The following FBN2 variants were observed in gnomAD, a reference collection of about 807,000 sequenced individuals.
FBN2 encodes the protein fibrillin-2.
In FBN2, 105 loss-of-function variants were observed where a neutral mutation model predicts 355.6. The observed-to-expected ratio is 0.30, with a 90% CI of 0.25 to 0.35. The LOEUF is 0.35. Among genes scored for constraint, FBN2 ranks in the 10% least tolerant of loss-of-function variants. The probability of loss-of-function intolerance (pLI) is 1.00; values close to 1 mark genes in which losing one functional copy is unlikely to be tolerated. For synonymous variants in FBN2, 1,350 were observed against 1,301.2 expected, an observed-to-expected ratio of 1.04 and a Z score of -0.81; for missense variants, 3,280 against 3,758.7, an observed-to-expected ratio of 0.87 and a Z score of 3.33.
At chr5:128,359,942 C>G (rs1209390965) in intron 19 of FBN2, among the ~76,000 whole-genome samples, 1 of 152,086 alleles carries the variant, frequency 6.6e-6, no homozygotes, top group African/African-American at 2.4e-5. Flanking sequence ...AGACACTATC[C>G]ATTTAGTTCC....
chr5:128,493,890 T>C (rs1294380343), intron 5 of FBN2, among the ~76,000 whole-genome samples: 2 of 152,186 alleles, frequency 1.3e-5, no homozygotes, highest in South Asian at 2.1e-4. Flanking sequence ...GTGAGGTTTT[T>C]AGCTTGGATA....
At position 128,338,967 on chromosome 5, in the gene FBN2, A is replaced by G; in HGVS notation, c.3438T>C (p.Tyr1146=). 2 of 1,614,090 alleles carry G rather than the reference A, an allele frequency of 1.2e-6. No homozygotes were observed. The highest frequency in any genetic ancestry group is 1.7e-6 in the Non-Finnish European group (2 of 1,179,964). ...GSFECECFEG[Y]ESGFMMMKNC... Reference sequence around the variant, plus strand: ...TCTTCATCATCATGAAGCCACTTTCATAGCCTTCGAAGCACTCGCACTCAA... The same window carrying G: ...TCTTCATCATCATGAAGCCACTTTCGTAGCCTTCGAAGCACTCGCACTCAA... Residue 1146 remains tyrosine, a synonymous_variant, in exon 26 of 65, where the codon TAT becomes TAC. Coordinates refer to ENST00000262464, the MANE Select transcript of FBN2 (RefSeq NM_001999.4).
intron 8 of FBN2, among the ~76,000 whole-genome samples, chr5:128,405,640 G>C (rs1310702030): frequency 6.6e-6 from 1 of 152,142 alleles, no homozygotes. Flanking sequence ...TGAAATGTAA[G>C]TGAGTAAATA....
intron 5 of FBN2, among the ~76,000 whole-genome samples, chr5:128,518,976 C>T (rs1308953441): frequency 6.6e-6 from 1 of 152,080 alleles, no homozygotes; most frequent in Admixed American, 6.5e-5. Flanking sequence ...TCAACAATGC[C>T]TCCTAATTTG....
At chr5:128,354,802 C>A (rs1751458835) in intron 20 of FBN2, among the ~76,000 whole-genome samples, 1 of 152,122 alleles carries the variant, frequency 6.6e-6, no homozygotes, top group Non-Finnish European at 1.5e-5. Context: ...AGGTTCAAGC[C>A]AGTACACAGG....
chr5:128,330,526 T>C (rs745475100), intron 33 of FBN2, 47 bp downstream of exon 33: 1 of 1,607,066 alleles, frequency 6.2e-7, no homozygotes, highest in African/African-American at 1.3e-5. Flanking sequence ...GCATATAGAG[T>C]GTTCTATGAC....
intron 31 of FBN2, 24 bp from the exon 32 acceptor site, chr5:128,333,058 A>G (rs1383296287): frequency 6.2e-7 from 1 of 1,602,420 alleles, no homozygotes; most frequent in African/African-American, 1.3e-5. Context: ...ATTCATAAGA[A>G]GAAAATCAAA....
intron 11 of FBN2, among the ~76,000 whole-genome samples, chr5:128,381,389 G>A (rs1581253186): frequency 6.6e-6 from 1 of 152,068 alleles, no homozygotes; most frequent in East Asian, 1.9e-4. Flanking sequence ...GCTTCATTAG[G>A]TATCTCATAA....
intron 20 of FBN2, among the ~76,000 whole-genome samples, chr5:128,354,913 T>C (rs190197981): frequency 1.3e-4 from 20 of 152,174 alleles, no homozygotes; most frequent in Admixed American, 3.3e-4. Context: ...GGTGGCAAGG[T>C]TGAGGCCTAG....
intron 4 of FBN2, among the ~76,000 whole-genome samples, chr5:128,524,048 C>A (rs1756503680): frequency 6.6e-6 from 1 of 152,002 alleles, no homozygotes; most frequent in South Asian, 2.1e-4. Context: ...GGCTGTAGTC[C>A]AAATTTTGTT....
Position 128,464,752 on chromosome 5 carries a change from G to A in FBN2, c.798C>T (p.Ile266=). The change falls in exon 6 of 65, where the codon ATC becomes ATT. Residue 266 remains isoleucine (I), a synonymous_variant. Coordinates refer to ENST00000262464, the MANE Select transcript of FBN2 (RefSeq NM_001999.4). ...AQPQPCRRGF[I]PNIRTGACQD... ...GGCAAGCTCCAGTGCGGATGTTGGG[G>A]ATGAAACCCCGTCGGCAGGGCTGAG... 6.2e-7 allele frequency: 1 copy of A among 1,613,906 alleles called. No homozygotes were observed. Among genetic ancestry groups the A allele is most frequent in the African/African-American group, 1.3e-5 (1 of 75,052 alleles).
chr5:128,451,175 G>A (rs1019395442), intron 6 of FBN2, among the ~76,000 whole-genome samples: 11 of 152,052 alleles, frequency 7.2e-5, no homozygotes, highest in African/African-American at 2.7e-4. Context: ...GTAAATTAGT[G>A]AATTCAAGCC....
chr5:128,447,245 G>T (rs535865580), intron 6 of FBN2, among the ~76,000 whole-genome samples: 1 of 152,190 alleles, frequency 6.6e-6, no homozygotes, highest in Non-Finnish European at 1.5e-5. Context: ...TAACCATTAG[G>T]TCTGGCTGCC....
At chr5:128,461,007 T>C (rs1343136739) in intron 6 of FBN2, among the ~76,000 whole-genome samples, 4 of 152,110 alleles carry the variant, frequency 2.6e-5, no homozygotes, top group Non-Finnish European at 5.9e-5. Flanking sequence ...ACAAATGTGA[T>C]TGAATTAAAC....
In FBN2 at chr5:128,509,443, CT is replaced by C. The variant is rs1756052733; in HGVS notation, c.628+9829del. Reference sequence around the variant, plus strand: ...TAGAAGTTCAATTTGGATTCCACATCTCTACTTAACATTTTTAATCTTTCCT... The same window carrying C: ...TAGAAGTTCAATTTGGATTCCACATCCTACTTAACATTTTTAATCTTTCCT... On this transcript the variant is annotated intron_variant, in intron 5 of 64. Transcript: ENST00000262464. Among the ~76,000 whole-genome samples, 3 of 152,234 alleles carry C rather than the reference CT, an allele frequency of 2.0e-5. No homozygotes were observed. In the South Asian group the frequency reaches 6.2e-4, roughly 32 times the overall value.
chr5:128,513,905 C>G (rs1401471368), intron 5 of FBN2, among the ~76,000 whole-genome samples: 1 of 151,856 alleles, frequency 6.6e-6, no homozygotes, highest in African/African-American at 2.4e-5. Flanking sequence ...GAGCTAGTGC[C>G]AAAAAGTTAA....
At position 128,344,393 on chromosome 5, in the gene FBN2, T is replaced by G. The variant is rs1301097230; in HGVS notation, c.3335A>C (p.Asn1112Thr). 6.2e-7 allele frequency: 1 copy of G among 1,614,134 alleles called. No individual in the cohort carries two copies. The stretch of plus-strand genomic sequence containing the variant: ...CAGCAGAACCATCTTACCCGTGCAG[T>G]TTCTTTCCTCCATGTCTAGAGCAAA... ...SGFALDMEER[N>T]CTDIDECRIS... Residue 1112 changes from asparagine to threonine, a missense_variant, in exon 25 of 65, where the codon AAC (asparagine) becomes ACC (threonine). By Grantham distance (65) the Asn-to-Thr change is moderately conservative (BLOSUM62 0). Transcript: ENST00000262464.
chr5:128,274,354 G>A (rs929483688), intron 60 of FBN2, among the ~76,000 whole-genome samples: 3 of 152,140 alleles, frequency 2.0e-5, no homozygotes, highest in African/African-American at 7.2e-5. Flanking sequence ...TATGGCTACT[G>A]TGCAGGTGCT....
intron 48 of FBN2, among the ~76,000 whole-genome samples, chr5:128,293,550 C>G (rs1232513379): frequency 6.6e-6 from 1 of 151,700 alleles, no homozygotes; most frequent in Non-Finnish European, 1.5e-5. Context: ...AGTGTCATTG[C>G]TAACGATAGA....
Sources: gnomAD v4.1 joint callset for allele counts (sites outside exome capture counted in the v4.1 genomes callset) on GRCh38, gnomAD v4.1.1 for gene constraint, MANE v1.5 for transcripts, NCBI Gene and HGNC (gene_info 2026-07-23, HGNC 2026-07-21) for gene names.